Variants in PITPNM2 observed in about 807,000 individuals in gnomAD.
The protein encoded by PITPNM2 is membrane-associated phosphatidylinositol transfer protein 2.
PITPNM2 carries 35 observed loss-of-function variants against 132.2 expected under a neutral mutation model. The observed-to-expected ratio is 0.26, with a 90% CI of 0.20 to 0.35. The LOEUF (loss-of-function observed/expected upper bound fraction) is 0.35. Among genes scored for constraint, PITPNM2 ranks in the 10% least tolerant of loss-of-function variants. PITPNM2 has a pLI of 1.00. For synonymous variants in PITPNM2, 738 were observed against 799.2 expected, an observed-to-expected ratio of 0.92 and a Z score of 1.29; for missense variants, 1,332 against 1,912.0, an observed-to-expected ratio of 0.70 and a Z score of 5.66.
At position 123,099,252 on chromosome 12, in the gene PITPNM2, T is replaced by C. The variant is rs1482834392; in HGVS notation, c.-96+11133A>G. 6.6e-6 allele frequency among the ~76,000 whole-genome samples: 1 copy of C among 151,860 alleles called. No individual in the cohort carries two copies. Among genetic ancestry groups the C allele is most frequent in the Non-Finnish European group, 1.5e-5 (1 of 67,958 alleles). The stretch of plus-strand genomic sequence containing the variant: ...ATTTTGCTGAAAAAAAAAATATATA[T>C]CTTTTTTTTTAAAGAATGAAACCTC... On this transcript the variant is annotated intron_variant, in intron 2 of 25. Coordinates refer to ENST00000320201, the MANE Select transcript of PITPNM2 (RefSeq NM_020845.3). This position sits in a 1 kb window ranked among gnomAD's most constrained non-coding sequence, Gnocchi z 4.2.
chr12:123,059,751 C>G (rs1307771934), intron 2 of PITPNM2, among the ~76,000 whole-genome samples: 1 of 152,164 alleles, frequency 6.6e-6, no homozygotes, highest in Non-Finnish European at 1.5e-5. Context: ...GGCTATGAAA[C>G]ATCCGGAATA....
At chr12:123,142,830 C>CGGT (rs2043533460) in intron 1 of PITPNM2, among the ~76,000 whole-genome samples, 1 of 151,620 alleles carries the variant, frequency 6.6e-6, no homozygotes. Context: ...TGTGATTACC[C>CGGT]ACATGGGAAA....
intron 1 of PITPNM2, among the ~76,000 whole-genome samples, chr12:123,129,905 T>C (rs909783284): frequency 2.2e-4 from 34 of 151,652 alleles, no homozygotes; most frequent in African/African-American, 8.2e-4. Context: ...GAATTTTGTT[T>C]TGCGTTTTTT....
In PITPNM2 at chr12:123,012,742, G is replaced by A; in HGVS notation, c.294-8C>T. On this transcript the variant is annotated splice_region_variant and splice_polypyrimidine_tract_variant and intron_variant, in intron 4 of 25. Transcript: ENST00000320201. Reference sequence around the variant, plus strand: ...ACGAAAGGACAGGTGAACCTGTGCGGAAAGGAAAGCACTCATCAGGACCTG... The same window carrying A: ...ACGAAAGGACAGGTGAACCTGTGCGAAAAGGAAAGCACTCATCAGGACCTG... The A allele has an allele frequency of 6.2e-7, 1 of 1,613,810 alleles. No homozygotes were observed. The highest frequency in any genetic ancestry group is 8.5e-7 in the Non-Finnish European group (1 of 1,179,768).
intron 8 of PITPNM2, among the ~76,000 whole-genome samples, chr12:123,003,277 G>GC (rs1297767139): frequency 6.6e-6 from 1 of 152,098 alleles, no homozygotes; most frequent in Non-Finnish European, 1.5e-5. Flanking sequence ...GCACTTGCCG[G>GC]CCCCCCTCCA....
chr12:123,077,118 C>A lies in PITPNM2; in HGVS notation c.-96+33267G>T, dbSNP rs541158372. ...GAATGTTGACCCACTGGGCAGCAGG[C>A]TTGAAATCCTGCCTGACCAAACTGT... On this transcript the variant is annotated intron_variant, in intron 2 of 25. Transcript: ENST00000320201. This position sits in a 1 kb window ranked among gnomAD's most constrained non-coding sequence, Gnocchi z 4.8. 6.6e-6 allele frequency among the ~76,000 whole-genome samples: 1 copy of A among 152,264 alleles called. No homozygotes were observed. The highest frequency in any genetic ancestry group is 2.1e-4 in the South Asian group (1 of 4,822).
intron 1 of PITPNM2, among the ~76,000 whole-genome samples, chr12:123,123,674 C>T (rs891628839): frequency 2.0e-5 from 3 of 152,004 alleles, no homozygotes; most frequent in African/African-American, 7.3e-5. Flanking sequence ...TTGGCTCATG[C>T]CTATAATCCC....
chr12:123,072,480 G>A (rs1040210921), intron 2 of PITPNM2, among the ~76,000 whole-genome samples: 7 of 152,192 alleles, frequency 4.6e-5, no homozygotes, highest in South Asian at 2.1e-4. Flanking sequence ...AGTTAAGGCT[G>A]GCAATTGTCC....
rs1212026558 is a variant in PITPNM2 at position 122,987,673 on chromosome 12, G to C, written c.3115-14C>G. 1 of 1,611,274 alleles carries C rather than the reference G, an allele frequency of 6.2e-7. No individual in the cohort carries two copies. The highest frequency in any genetic ancestry group is 8.5e-7 in the Non-Finnish European group (1 of 1,178,552). On this transcript the variant is annotated splice_polypyrimidine_tract_variant and intron_variant, in intron 21 of 25. Transcript: ENST00000320201. ...GTGCACATCCACCTGGGCCCAGCAG[G>C]CTGGTCACGGGCTGGCTGTGTCTGG...
At position 122,996,793 on chromosome 12, in the gene PITPNM2, T is replaced by C. The variant is rs2038448631; in HGVS notation, c.1590A>G (p.Thr530=). 6.2e-7 allele frequency: 1 copy of C among 1,609,770 alleles called. No individual in the cohort carries two copies. Among genetic ancestry groups the C allele is most frequent in the African/African-American group, 1.3e-5 (1 of 74,716 alleles). Residue 530 remains threonine (T), a synonymous_variant, in exon 12 of 26, where the codon ACA becomes ACG. Coordinates refer to ENST00000320201, the MANE Select transcript of PITPNM2 (RefSeq NM_020845.3). Reference sequence around the variant, plus strand: ...AGGCAAGGTTGGCTCGCTGAATCACTGTGGCAACTGCCTCCTGGTACTGGG... The same window carrying C: ...AGGCAAGGTTGGCTCGCTGAATCACCGTGGCAACTGCCTCCTGGTACTGGG... ...SSPQYQEAVA[T]VIQRANLAYG... is the part of the protein sequence containing the mutation.
At position 123,128,445 on chromosome 12, in the gene PITPNM2, T is replaced by TAA. The variant is rs76741325; in HGVS notation, c.-199-17959_-199-17958dup. Among the ~76,000 whole-genome samples, 129 of 71,570 alleles carry TAA rather than the reference T, an allele frequency of 1.8e-3. 1 individual carries two copies. The highest frequency in any genetic ancestry group is 6.1e-3 in the African/African-American group (118 of 19,350). The allele number at this position is 71,570 out of a possible 152,430, so 47.0% of individuals were successfully genotyped here. On this transcript the variant is annotated intron_variant, in intron 1 of 25. Transcript: ENST00000320201. Reference sequence around the variant, plus strand: ...GACAGAGCAAGACCCCGTCTCAAGTTAAAAAAAAAAAAAAAAAAAGGTGGG... The same window carrying TAA: ...GACAGAGCAAGACCCCGTCTCAAGTTAAAAAAAAAAAAAAAAAAAAAGGTGGG...
rs938787616 is a variant in PITPNM2 at position 123,005,104 on chromosome 12, C to T, written c.952+136G>A. The T allele has an allele frequency of 7.3e-6, 8 of 1,100,324 alleles. No individual in the cohort carries two copies. Among genetic ancestry groups the T allele is most frequent in the Non-Finnish European group, 1.0e-5 (8 of 767,782 alleles). The allele number at this position is 1,100,324 out of a possible 1,614,324, so 68.2% of individuals were successfully genotyped here. On this transcript the variant is annotated intron_variant, in intron 7 of 25. Transcript: ENST00000320201. The surrounding 1 kb of genome is among the most constrained non-coding windows in gnomAD (Gnocchi z 6.2). ...CCTGTGTGCGAGGACTAGCCCAGGG[C>T]TCTGACTCCCTCTGGGCTTGGTGCC... is the stretch of plus-strand genomic sequence containing the variant.
intron 1 of PITPNM2, among the ~76,000 whole-genome samples, chr12:123,126,783 C>T (rs1363384485): frequency 6.6e-6 from 1 of 152,166 alleles, no homozygotes; most frequent in South Asian, 2.1e-4. Flanking sequence ...ACTGAATTAT[C>T]TCTAGGGTTC....
chr12:122,994,671 TG>T lies in PITPNM2; in HGVS notation c.2233+129del. On this transcript the variant is annotated intron_variant, in intron 15 of 25. Coordinates refer to ENST00000320201, the MANE Select transcript of PITPNM2 (RefSeq NM_020845.3). The surrounding 1 kb of genome is among the most constrained non-coding windows in gnomAD (Gnocchi z 5.4). ...GCAGAGGATAGCAAGGGGCCCTTGG[TG>T]GGGAAGACAGGAAGGAGGGCAGAAA... is the stretch of plus-strand genomic sequence containing the variant. 1 of 1,078,560 alleles carries T rather than the reference TG, an allele frequency of 9.3e-7. No individual in the cohort carries two copies. The highest frequency in any genetic ancestry group is 1.3e-6 in the Non-Finnish European group (1 of 780,052). 66.8% of individuals were successfully genotyped at this position (1,078,560 alleles called of 1,614,324 possible).
rs2042812049 is a variant in PITPNM2 at position 123,110,386 on chromosome 12, TG to T, written c.-98del. 6.6e-6 allele frequency: 1 copy of T among 152,356 alleles called. No individual in the cohort carries two copies. The highest frequency in any genetic ancestry group is 2.1e-4 in the South Asian group (1 of 4,836). The allele number at this position is 152,356 out of a possible 1,614,324, so 9.4% of individuals were successfully genotyped here. ...TACTGCACAGGTGGACGGCCTTACCTGTGGGTCTGAGAAGGCTCCACTGATG... is the reference window on the plus strand; with the variant it reads ...TACTGCACAGGTGGACGGCCTTACCTTGGGTCTGAGAAGGCTCCACTGATG... On this transcript the variant is annotated splice_region_variant and 5_prime_UTR_variant, in exon 2 of 26. Transcript: ENST00000320201.
rs968415451 is a variant in PITPNM2 at position 123,150,208 on chromosome 12, G to A, written c.-200+545C>T. Among the ~76,000 whole-genome samples, 4 of 152,042 alleles carry A rather than the reference G, an allele frequency of 2.6e-5. No homozygotes were observed. Among genetic ancestry groups the A allele is most frequent in the African/African-American group, 9.7e-5 (4 of 41,390 alleles). On this transcript the variant is annotated intron_variant, in intron 1 of 25. Transcript: ENST00000320201. The surrounding 1 kb of genome is among the most constrained non-coding windows in gnomAD (Gnocchi z 6.0). Reference sequence around the variant, plus strand: ...AAGGATTCGGGGTGGGAAGAAGACAGAGCCGGCACCCCATTACCACACGAA... The same window carrying A: ...AAGGATTCGGGGTGGGAAGAAGACAAAGCCGGCACCCCATTACCACACGAA...
rs994816928 is a variant in PITPNM2 at position 123,036,135 on chromosome 12, G to A, written c.-95-1450C>T. Among the ~76,000 whole-genome samples the A allele has an allele frequency of 2.0e-5, 3 of 152,198 alleles. No homozygotes were observed. The highest frequency in any genetic ancestry group is 4.4e-5 in the Non-Finnish European group (3 of 68,038). On this transcript the variant is annotated intron_variant, in intron 2 of 25. Coordinates refer to ENST00000320201, the MANE Select transcript of PITPNM2 (RefSeq NM_020845.3). The surrounding 1 kb of genome is among the most constrained non-coding windows in gnomAD (Gnocchi z 4.1). ...TAAAAGCAAGGGCCTGGCCAGTCAG[G>A]CAACTTCCCCAGGGCACGGCTCTCT...
chr12:122,996,841 G>A lies in PITPNM2; in HGVS notation c.1542C>T (p.Leu514=), dbSNP rs1566236252. 3.8e-6 allele frequency: 6 copies of A among 1,599,054 alleles called. No individual in the cohort carries two copies. The highest frequency in any genetic ancestry group is 1.1e-5 in the South Asian group (1 of 89,210). The change falls in exon 12 of 26, where the codon CTC becomes CTT. Residue 514 remains leucine (L), a synonymous_variant. Transcript: ENST00000320201. ...SSQDHIPLAA[L]PLLATSSPQY... Reference sequence around the variant, plus strand: ...GGGGGGAGGAGGTGGCCAGCAGGGGGAGGGCAGCCAGGGGAATGTGGTCCT... The same window carrying A: ...GGGGGGAGGAGGTGGCCAGCAGGGGAAGGGCAGCCAGGGGAATGTGGTCCT...
At chr12:123,123,074 T>G in intron 1 of PITPNM2, among the ~76,000 whole-genome samples, 1 of 152,188 alleles carries the variant, frequency 6.6e-6, no homozygotes, top group East Asian at 1.9e-4. Flanking sequence ...AAAACCTACT[T>G]ATTGAGATGC....
Sources: gnomAD v4.1 joint callset for allele counts (sites outside exome capture counted in the v4.1 genomes callset) on GRCh38, gnomAD v4.1.1 for gene constraint, Gnocchi (gnomAD v3.1) non-coding constraint, MANE v1.5 for transcripts, NCBI Gene and HGNC (gene_info 2026-07-23, HGNC 2026-07-21) for gene names.